The following CNST variants were observed in gnomAD, a reference collection of about 807,000 sequenced individuals.
CNST encodes the protein consortin, connexin sorting protein.
Under a neutral mutation model 72.4 loss-of-function variants are expected in CNST, and 39 were observed. That is an observed-to-expected ratio of 0.54 (90% CI 0.42 to 0.70). The LOEUF (loss-of-function observed/expected upper bound fraction) is 0.70. Among genes scored for constraint, CNST ranks in the 30% least tolerant of loss-of-function variants. CNST has a pLI of 0.00. For missense variants in CNST, 871 were observed against 868.5 expected, an observed-to-expected ratio of 1.00 and a Z score of -0.04; for synonymous variants, 332 against 320.1, an observed-to-expected ratio of 1.04 and a Z score of -0.40.
chr1:246,634,718 C>T, intron 6 of CNST, 131 bp downstream of exon 6: 1 of 627,692 alleles, frequency 1.6e-6, no homozygotes, highest in Admixed American at 3.3e-5. Context: ...ATAATTATTG[C>T]AAGGCTCTAG....
In CNST at chr1:246,585,804, G is replaced by A. The variant is rs568611849; in HGVS notation, c.-51-5708G>A. 1.6e-4 allele frequency among the ~76,000 whole-genome samples: 25 copies of A among 151,642 alleles called. 1 individual carries two copies. The South Asian group carries it at 5.2e-3, about 32-fold the overall frequency. On this transcript the variant is annotated intron_variant, in intron 1 of 10. Coordinates refer to ENST00000366513, the MANE Select transcript of CNST (RefSeq NM_152609.3). ...CGATCAGTTTCTTTGCCTACGCTGG[G>A]CGTGGTGGCATACATCTGTAATCCT...
At chr1:246,611,089 GAACA>G (rs981647511) in intron 2 of CNST, among the ~76,000 whole-genome samples, 21 of 152,168 alleles carry the variant, frequency 1.4e-4, no homozygotes, top group African/African-American at 5.1e-4. Context: ...AGACAGATTA[GAACA>G]AACACAGTGA....
chr1:246,648,786 GCCTTTCCTTTTCTTCA>G (rs1483488325), intron 9 of CNST, among the ~76,000 whole-genome samples: 1 of 152,048 alleles, frequency 6.6e-6, no homozygotes, highest in East Asian at 1.9e-4. Flanking sequence ...GATACTAGCT[GCCTTTCCTTTTCTTCA>G]CCATTTTTCC....
At chr1:246,656,491 T>C (rs764978143) in intron 9 of CNST, among the ~76,000 whole-genome samples, 1 of 152,174 alleles carries the variant, frequency 6.6e-6, no homozygotes. Context: ...GACATTCTTT[T>C]TGGTCTCAAT....
At chr1:246,585,131 A>G (rs959787831) in intron 1 of CNST, among the ~76,000 whole-genome samples, 1 of 152,058 alleles carries the variant, frequency 6.6e-6, no homozygotes, top group Non-Finnish European at 1.5e-5. Context: ...TATCACTTTT[A>G]GGTCCCACCG....
At chr1:246,660,503 A>T (rs1039172691) in intron 10 of CNST, among the ~76,000 whole-genome samples, 169 bp downstream of exon 10, 3 of 152,348 alleles carry the variant, frequency 2.0e-5, no homozygotes, top group Non-Finnish European at 4.4e-5. Flanking sequence ...AGGCGGGCAG[A>T]TCACTTGAAA....
chr1:246,649,168 T>TG (rs1184645358), intron 9 of CNST, among the ~76,000 whole-genome samples: 21 of 151,864 alleles, frequency 1.4e-4, no homozygotes, highest in Non-Finnish European at 2.5e-4. Flanking sequence ...TTTGTTTTTT[T>TG]TTTTTTTTCG....
At chr1:246,614,149 C>G (rs977781755) in intron 2 of CNST, among the ~76,000 whole-genome samples, 4 of 151,944 alleles carry the variant, frequency 2.6e-5, no homozygotes, top group African/African-American at 7.3e-5. Context: ...ATGGAATATT[C>G]GCATATATAT....
intron 10 of CNST, among the ~76,000 whole-genome samples, chr1:246,663,751 A>C (rs1022391220): frequency 4.6e-5 from 7 of 152,156 alleles, no homozygotes; most frequent in Admixed American, 6.5e-5. Flanking sequence ...AAAAAAAAAA[A>C]CAACTATTTT....
At position 246,571,452 on chromosome 1, in the gene CNST, A is replaced by G. The variant is rs149825370; in HGVS notation, c.-52+4789A>G. Among the ~76,000 whole-genome samples, 1,332 of 152,240 alleles carry G rather than the reference A, an allele frequency of 8.7e-3. 17 individuals carry two copies. The highest frequency in any genetic ancestry group is 0.03 in the African/African-American group (1,255 of 41,528). On this transcript the variant is annotated intron_variant, in intron 1 of 10. Transcript: ENST00000366513. ...GGCGTGAGCCACTGTGCCAGGCCAA[A>G]TGGTTTTTATCTTAGTTTTGAGATC...
At position 246,648,331 on chromosome 1, in the gene CNST, A is replaced by G. The variant is rs950439333; in HGVS notation, c.1836+294A>G. 4.3e-6 allele frequency: 3 copies of G among 694,768 alleles called. No individual in the cohort carries two copies. In the African/African-American group the frequency reaches 5.7e-5, roughly 13 times the overall value. 43.0% of individuals were successfully genotyped at this position (694,768 alleles called of 1,614,324 possible). A position where few individuals can be genotyped will look rare whatever the true frequency, so the allele number is the denominator to read the frequency against. On this transcript the variant is annotated intron_variant, in intron 9 of 10. Coordinates refer to ENST00000366513, the MANE Select transcript of CNST (RefSeq NM_152609.3). ...GTCCTGACTGTTATGTGGCAGTTCCAGATATTGGAATCAAAACCAGAATAG... is the reference window on the plus strand; with the variant it reads ...GTCCTGACTGTTATGTGGCAGTTCCGGATATTGGAATCAAAACCAGAATAG...
In CNST at chr1:246,591,549, CA is replaced by C; in HGVS notation, c.-11del. On this transcript the variant is annotated 5_prime_UTR_variant, in exon 2 of 11. Coordinates refer to ENST00000366513, the MANE Select transcript of CNST (RefSeq NM_152609.3). ...TTTAATGTAACTTTAAATGGTTCAC[CA>C]AAGGATGCTCTAATGGATGACAGCG... The C allele has an allele frequency of 6.2e-7, 1 of 1,613,676 alleles. No individual in the cohort carries two copies. The highest frequency in any genetic ancestry group is 1.1e-5 in the South Asian group (1 of 91,006).
At chr1:246,627,511 A>C (rs1664515471) in intron 3 of CNST, among the ~76,000 whole-genome samples, 1 of 152,248 alleles carries the variant, frequency 6.6e-6, no homozygotes, top group African/African-American at 2.4e-5. Context: ...TGTGAGATAC[A>C]GGAAACTGGG....
In CNST at chr1:246,620,662, T is replaced by C. The variant is rs111287049; in HGVS notation, c.380-767T>C. 4.9e-5 allele frequency among the ~76,000 whole-genome samples: 6 copies of C among 121,666 alleles called. No individual in the cohort carries two copies. In the South Asian group the frequency reaches 1.7e-3, roughly 34 times the overall value. The allele number at this position is 121,666 out of a possible 152,430, so 79.8% of individuals were successfully genotyped here. ...CAGGGAGGACGGCTTCAGTCGTGCA[T>C]ACACACGATGGGCTCTGGGAACACT... On this transcript the variant is annotated intron_variant, in intron 2 of 10. Transcript: ENST00000366513.
chr1:246,619,019 A>G (rs1162134992), intron 2 of CNST, among the ~76,000 whole-genome samples: 1 of 152,170 alleles, frequency 6.6e-6, no homozygotes, highest in Non-Finnish European at 1.5e-5. Context: ...GTTTTTTACA[A>G]AGAAGCCTGG....
chr1:246,610,863 C>T (rs544136290), intron 2 of CNST, among the ~76,000 whole-genome samples: 342 of 152,212 alleles, frequency 2.2e-3, no homozygotes, highest in Non-Finnish European at 3.1e-3. Context: ...GCTCTGATTT[C>T]CCAAGGAAGC....
At chr1:246,586,105 A>ATGTGTGTGTGTG (rs1305896995) in intron 1 of CNST, among the ~76,000 whole-genome samples, 25 of 33,886 alleles carry the variant, frequency 7.4e-4, no homozygotes, top group Admixed American at 5.5e-3. Context: ...ATATATATAT[A>ATGTGTGTGTGTG]TATATATGTG....
intron 6 of CNST, among the ~76,000 whole-genome samples, chr1:246,637,887 G>A (rs6687128): frequency 0.057 from 8,678 of 152,218 alleles, 345 homozygotes; most frequent in Middle Eastern, 0.092. Flanking sequence ...AGAAAGTACA[G>A]ACAAAGACTA....
At chr1:246,630,971 C>G (rs1440303861) in intron 3 of CNST, among the ~76,000 whole-genome samples, 2 of 152,124 alleles carry the variant, frequency 1.3e-5, no homozygotes. Context: ...GTCTTGAACC[C>G]TTGACCTCAG....
Sources: allele counts gnomAD v4.1 joint callset (sites outside exome capture counted in the v4.1 genomes callset), GRCh38; gene constraint gnomAD v4.1.1; transcripts MANE v1.5; gene names NCBI Gene and HGNC (gene_info 2026-07-23, HGNC 2026-07-21).